The following H3-3A variants were observed in gnomAD, a reference collection of about 807,000 sequenced individuals.
The protein encoded by H3-3A is histone H3.3.
For synonymous variants in H3-3A, 49 were observed against 61.4 expected (o/e 0.80, Z 0.95); for missense variants, 7 against 184.0 (o/e 0.04, Z 5.57).
intron 3 of H3-3A, among the ~76,000 whole-genome samples, chr1:226,070,324 TAGTC>T (rs1315145900): frequency 1.3e-5 from 2 of 148,196 alleles, no homozygotes; most frequent in Admixed American, 6.8e-5. Context: ...TACTGAAAAT[TAGTC>T]AGGCGTGGTG....
At chr1:226,062,340 C>T (rs1228661863), upstream of H3-3A, among the ~76,000 whole-genome samples, 1 of 151,044 alleles carries the variant, frequency 6.6e-6, no homozygotes, top group Admixed American at 6.6e-5. Context: ...CCTCCCCCCA[C>T]TTCCCTCCGG....
chr1:226,065,478 A>G, intron 2 of H3-3A, among the ~76,000 whole-genome samples, 178 bp from the exon 3 acceptor site: 1 of 152,194 alleles, frequency 6.6e-6, no homozygotes, highest in East Asian at 1.9e-4. Flanking sequence ...CTTTAAAGGT[A>G]TTGTTACTAG....
intron 3 of H3-3A, among the ~76,000 whole-genome samples, chr1:226,070,930 A>G (rs1276890318): frequency 6.6e-6 from 1 of 152,248 alleles, no homozygotes; most frequent in African/African-American, 2.4e-5. Context: ...AGAGGTTCAC[A>G]TACTGTGTGA....
chr1:226,068,449 C>T (rs149984625), intron 3 of H3-3A, among the ~76,000 whole-genome samples: 1 of 152,306 alleles, frequency 6.6e-6, no homozygotes, highest in African/African-American at 2.4e-5. Flanking sequence ...AGCATTCTAG[C>T]TTTCTGTAAT....
intron 3 of H3-3A, among the ~76,000 whole-genome samples, chr1:226,069,214 T>C (rs1309593531): frequency 2.0e-5 from 3 of 152,080 alleles, no homozygotes; most frequent in Non-Finnish European, 4.4e-5. Flanking sequence ...GCCCAGCTAC[T>C]TTTTGTATTT....
Position 226,071,282 on chromosome 1 carries a change from A to G in H3-3A, c.283-69A>G, listed in dbSNP as rs564688489. The G allele has an allele frequency of 4.7e-6, 6 of 1,282,430 alleles. No individual in the cohort carries two copies. The African/African-American group carries it at 8.8e-5, about 19-fold the overall frequency. 79.4% of individuals were successfully genotyped at this position (1,282,430 alleles called of 1,614,324 possible). A position where few individuals can be genotyped will look rare whatever the true frequency, so the allele number is the denominator to read the frequency against. ...AGGGTTCAAAAACCTTTTTGTTTTA[A>G]TTCGTATAGTTGGGTCTTAACTATT... On this transcript the variant is annotated intron_variant, in intron 3 of 3. Transcript: ENST00000366815.
chr1:226,063,194 G>C (rs1174714004), intron 1 of H3-3A, among the ~76,000 whole-genome samples: 1 of 151,872 alleles, frequency 6.6e-6, no homozygotes, highest in Non-Finnish European at 1.5e-5. Context: ...TTTCGAGCGG[G>C]AAAGGGGTGG....
chr1:226,065,905 A>T, intron 3 of H3-3A, 96 bp downstream of exon 3: 2 of 926,738 alleles, frequency 2.2e-6, no homozygotes, highest in Non-Finnish European at 3.5e-6. Flanking sequence ...TTTAATCACA[A>T]GCCTGTCAGG....
chr1:226,071,044 T>C (rs1291336599), intron 3 of H3-3A, among the ~76,000 whole-genome samples: 1 of 152,210 alleles, frequency 6.6e-6, no homozygotes, highest in African/African-American at 2.4e-5. Context: ...TCTTGCTTTA[T>C]TTGTGACATT....
chr1:226,062,479 G>A (rs1320661513), upstream of H3-3A, among the ~76,000 whole-genome samples: 2 of 150,006 alleles, frequency 1.3e-5, no homozygotes, highest in African/African-American at 4.9e-5. Context: ...GCCCCTCAGC[G>A]TGTCTTTTGT....
chr1:226,069,838 CAAAAACA>C (rs1658047839), intron 3 of H3-3A, among the ~76,000 whole-genome samples: 1 of 151,866 alleles, frequency 6.6e-6, no homozygotes, highest in East Asian at 1.9e-4. Flanking sequence ...CCTCAAAAAA[CAAAAACA>C]AAAAGAGTAA....
intron 3 of H3-3A, among the ~76,000 whole-genome samples, chr1:226,069,333 C>T (rs775004545): frequency 6.6e-5 from 10 of 152,038 alleles, no homozygotes; most frequent in Non-Finnish European, 1.5e-4. Context: ...AGGCGTGAGC[C>T]ACCACGGCAC....
Position 226,066,612 on chromosome 1 carries a change from T to A in H3-3A, c.282+803T>A, listed in dbSNP as rs373995132. Reference sequence around the variant, plus strand: ...AACATCAGTCACTTAAGTAACCTATTTTATATTGTGTGGTTGGATTCTTTA... The same window carrying A: ...AACATCAGTCACTTAAGTAACCTATATTATATTGTGTGGTTGGATTCTTTA... On this transcript the variant is annotated intron_variant, in intron 3 of 3. Transcript: ENST00000366815. The A allele has an allele frequency of 7.2e-5, 11 of 152,220 alleles. No individual in the cohort carries two copies. The East Asian group carries it at 1.7e-3, about 24-fold the overall frequency. 9.4% of individuals were successfully genotyped at this position (152,220 alleles called of 1,614,324 possible).
At chr1:226,062,999 C>T (rs1657785333) in intron 1 of H3-3A, among the ~76,000 whole-genome samples, 188 bp downstream of exon 1, 1 of 151,914 alleles carries the variant, frequency 6.6e-6, no homozygotes, top group Admixed American at 6.5e-5. Context: ...TCCCCCGTCT[C>T]TCGCCGCCTC....
At chr1:226,065,540 A>G in intron 2 of H3-3A, 116 bp from the exon 3 acceptor site, 1 of 650,658 alleles carries the variant, frequency 1.5e-6, no homozygotes, top group Non-Finnish European at 2.6e-6. Flanking sequence ...ACTGAAGCTG[A>G]AGAATTGTTG....
chr1:226,064,520 G>GT (rs1657854472), intron 2 of H3-3A, 41 bp downstream of exon 2: 4 of 1,530,662 alleles, frequency 2.6e-6, no homozygotes, highest in Non-Finnish European at 3.6e-6. Context: ...AGTCTCTCTT[G>GT]TATGTATCCA....
chr1:226,070,321 A>G (rs189291924), intron 3 of H3-3A, among the ~76,000 whole-genome samples: 1 of 151,494 alleles, frequency 6.6e-6, no homozygotes, highest in East Asian at 1.9e-4. Context: ...CTCTACTGAA[A>G]ATTAGTCAGG....
At chr1:226,065,550 G>T in intron 2 of H3-3A, 106 bp from the exon 3 acceptor site, 1 of 718,170 alleles carries the variant, frequency 1.4e-6, no homozygotes. Context: ...AAGAATTGTT[G>T]GGTGGCTTAT....
At chr1:226,071,281 A>T in intron 3 of H3-3A, 70 bp from the exon 4 acceptor site, 3 of 1,272,174 alleles carry the variant, frequency 2.4e-6, no homozygotes, top group South Asian at 1.2e-5. Context: ...TTTTTGTTTT[A>T]ATTCGTATAG....
Sources: gnomAD v4.1 joint callset for allele counts (sites outside exome capture counted in the v4.1 genomes callset) on GRCh38, gnomAD v4.1.1 for gene constraint, MANE v1.5 for transcripts, NCBI Gene and HGNC (gene_info 2026-07-23, HGNC 2026-07-21) for gene names.